The following PRKCH variants were observed in gnomAD, a reference collection of about 807,000 sequenced individuals.
PRKCH encodes protein kinase C eta type.
In PRKCH, 28 loss-of-function variants were observed where a neutral mutation model predicts 82.5. The observed-to-expected ratio is 0.34, with a 90% CI of 0.25 to 0.47. The LOEUF (loss-of-function observed/expected upper bound fraction) is 0.47, where lower values mean the gene tolerates loss of function less well. Ranked by LOEUF, PRKCH falls within the 20% of genes least tolerant of loss-of-function variation. The pLI is 1.00. For missense variants in PRKCH, 705 were observed against 881.8 expected, an observed-to-expected ratio of 0.80 and a Z score of 2.54; for synonymous variants, 322 against 327.4, an observed-to-expected ratio of 0.98 and a Z score of 0.18.
At chr14:61,397,462 TA>T (rs1279646234) in intron 2 of PRKCH, among the ~76,000 whole-genome samples, 1 of 152,160 alleles carries the variant, frequency 6.6e-6, no homozygotes, top group Non-Finnish European at 1.5e-5. Context: ...GGCACATGGA[TA>T]AAGAGGCCCA....
At chr14:61,228,208 C>G (rs1385242543) in intron 1 of PRKCH, among the ~76,000 whole-genome samples, 3 of 151,964 alleles carry the variant, frequency 2.0e-5, no homozygotes, top group Non-Finnish European at 4.4e-5. Flanking sequence ...CATTGAATCC[C>G]GAGGAGAGAA....
chr14:61,352,689 G>GGAAAGGAAAGAAAGAAAGAAA (rs1555378083), intron 1 of PRKCH, among the ~76,000 whole-genome samples: 29 of 126,546 alleles, frequency 2.3e-4, no homozygotes, highest in East Asian at 1.8e-3. Flanking sequence ...AGAAAGGAAA[G>GGAAAGGAAAGAAAGAAAGAAA]GAAAGAAAGA....
At chr14:61,256,899 G>T (rs2045002500) in intron 1 of PRKCH, among the ~76,000 whole-genome samples, 1 of 152,154 alleles carries the variant, frequency 6.6e-6, no homozygotes, top group Admixed American at 6.5e-5. Flanking sequence ...CATAGCTTTG[G>T]TTGAGCTGAT....
chr14:61,197,298 T>C (rs2044447986), intron 1 of PRKCH, among the ~76,000 whole-genome samples: 1 of 152,230 alleles, frequency 6.6e-6, no homozygotes, highest in African/African-American at 2.4e-5. Flanking sequence ...GCTCTAGTTT[T>C]AGATGTGTTT....
chr14:61,366,463 A>T (rs1398402158), intron 1 of PRKCH, among the ~76,000 whole-genome samples: 1 of 152,136 alleles, frequency 6.6e-6, no homozygotes, highest in African/African-American at 2.4e-5. Flanking sequence ...AAGAAGCCAG[A>T]TCCAAACTTA....
chr14:61,385,877 C>A (rs553104210), intron 1 of PRKCH, among the ~76,000 whole-genome samples: 20 of 152,256 alleles, frequency 1.3e-4, no homozygotes, highest in African/African-American at 4.8e-4. Flanking sequence ...GTCTTCATAA[C>A]AGGTGTGGAG....
intron 10 of PRKCH, among the ~76,000 whole-genome samples, chr14:61,510,125 G>A (rs1887313498): frequency 6.6e-6 from 1 of 152,160 alleles, no homozygotes; most frequent in African/African-American, 2.4e-5. Context: ...GGTATGATCA[G>A]AGGACCAGAG....
At chr14:61,415,202 C>G (rs1882489617) in intron 2 of PRKCH, among the ~76,000 whole-genome samples, 1 of 152,222 alleles carries the variant, frequency 6.6e-6, no homozygotes, top group Non-Finnish European at 1.5e-5. Flanking sequence ...TTTGTCTTTC[C>G]TACTAACTTA....
chr14:61,310,338 G>A (rs1036986362), intron 1 of PRKCH, among the ~76,000 whole-genome samples: 7 of 152,172 alleles, frequency 4.6e-5, no homozygotes, highest in African/African-American at 1.7e-4. Flanking sequence ...GATACAATGG[G>A]GGTACAGGCA....
upstream of PRKCH, among the ~76,000 whole-genome samples, chr14:61,318,325 C>T (rs751326333): frequency 4.0e-5 from 6 of 151,836 alleles, no homozygotes; most frequent in Non-Finnish European, 5.9e-5. Flanking sequence ...CCTTGGCTTC[C>T]CCTGTGAACA....
intron 1 of PRKCH, among the ~76,000 whole-genome samples, chr14:61,259,195 CA>C (rs2045023998): frequency 6.6e-6 from 1 of 152,132 alleles, no homozygotes; most frequent in African/African-American, 2.4e-5. Context: ...TTTATTGTAA[CA>C]AATGACTAAG....
intron 7 of PRKCH, among the ~76,000 whole-genome samples, chr14:61,455,916 T>C (rs776380855): frequency 4.6e-5 from 7 of 152,158 alleles, no homozygotes; most frequent in Admixed American, 2.6e-4. Context: ...TTCCATTCAT[T>C]GTGTTGAAAC....
chr14:61,203,323 G>C (rs1422679019), intron 1 of PRKCH, among the ~76,000 whole-genome samples: 1 of 152,124 alleles, frequency 6.6e-6, no homozygotes, highest in Non-Finnish European at 1.5e-5. Flanking sequence ...CCCAGGGAAG[G>C]GGTGGGGGAC....
chr14:61,228,911 A>T (rs1404372697), intron 1 of PRKCH, among the ~76,000 whole-genome samples: 1 of 151,534 alleles, frequency 6.6e-6, no homozygotes, highest in Non-Finnish European at 1.5e-5. Context: ...AAAATATATA[A>T]ATAAAATTAT....
At chr14:61,303,785 T>C (rs1346852876) in intron 1 of PRKCH, 1 of 151,852 alleles carries the variant, frequency 6.6e-6, no homozygotes, top group Non-Finnish European at 1.5e-5. Context: ...TTTATTTTGG[T>C]TTATACAATA....
intron 9 of PRKCH, among the ~76,000 whole-genome samples, chr14:61,477,824 A>T (rs1594748128): frequency 6.6e-6 from 1 of 152,114 alleles, no homozygotes; most frequent in Middle Eastern, 3.4e-3. Context: ...CTGGGCTAGG[A>T]CTCCTTCCAC....
chr14:61,229,192 T>G (rs1319418184), intron 1 of PRKCH, among the ~76,000 whole-genome samples: 1 of 152,132 alleles, frequency 6.6e-6, no homozygotes, highest in African/African-American at 2.4e-5. Context: ...TAGAATACAG[T>G]GAGAGTGCCA....
intron 10 of PRKCH, among the ~76,000 whole-genome samples, chr14:61,489,388 T>G (rs1886364045): frequency 6.6e-6 from 1 of 152,242 alleles, no homozygotes; most frequent in Non-Finnish European, 1.5e-5. Context: ...AGGTAGTACC[T>G]TAGGCTCCTC....
At chr14:61,231,655 A>G (rs2044745671) in intron 1 of PRKCH, among the ~76,000 whole-genome samples, 1 of 152,176 alleles carries the variant, frequency 6.6e-6, no homozygotes, top group Admixed American at 6.5e-5. Flanking sequence ...TGCAGGTGTG[A>G]GCCACCGTGG....
Sources: gnomAD v4.1 joint callset for allele counts (sites outside exome capture counted in the v4.1 genomes callset) on GRCh38, gnomAD v4.1.1 for gene constraint, MANE v1.5 for transcripts, NCBI Gene and HGNC (gene_info 2026-07-23, HGNC 2026-07-21) for gene names.